The following RAB18 variants were observed in gnomAD, a reference collection of about 807,000 sequenced individuals.
The protein encoded by RAB18 is ras-related protein Rab-18.
RAB18 carries 10 observed loss-of-function variants against 28.5 expected under a neutral mutation model. That is an observed-to-expected ratio of 0.35 (90% CI 0.22 to 0.60). The LOEUF is 0.60. Among genes scored for constraint, RAB18 ranks in the 20% least tolerant of loss-of-function variants. The pLI is 0.78. For synonymous variants in RAB18, 93 were observed against 86.9 expected (o/e 1.07, Z -0.39); for missense variants, 188 against 244.2 (o/e 0.77, Z 1.53).
chr10:27,527,362 GCTT>G (rs1834695396), intron 3 of RAB18, among the ~76,000 whole-genome samples: 1 of 151,850 alleles, frequency 6.6e-6, no homozygotes, highest in Non-Finnish European at 1.5e-5. Flanking sequence ...TTCCTTACTG[GCTT>G]CTTTTCGTTT....
chr10:27,511,809 T>G (rs1302995958), intron 2 of RAB18, among the ~76,000 whole-genome samples: 1 of 152,218 alleles, frequency 6.6e-6, no homozygotes, highest in Non-Finnish European at 1.5e-5. Context: ...TGTTGTAGCA[T>G]CCATTGATAA....
In RAB18 at chr10:27,539,175, C is replaced by T. The variant is rs1564840138; in HGVS notation, c.*1124C>T. 2.9e-6 allele frequency: 1 copy of T among 348,420 alleles called. No individual in the cohort carries two copies. Among genetic ancestry groups the T allele is most frequent in the Non-Finnish European group, 5.6e-6 (1 of 178,410 alleles). 21.6% of individuals were successfully genotyped at this position (348,420 alleles called of 1,614,324 possible). A position where few individuals can be genotyped will look rare whatever the true frequency, so the allele number is the denominator to read the frequency against. On this transcript the variant is annotated 3_prime_UTR_variant, in exon 7 of 7. Coordinates refer to ENST00000356940, the MANE Select transcript of RAB18 (RefSeq NM_021252.5). ...TTTTTCACAGTATTCAGTTTTCTCA[C>T]CTCTTGCTATTGTATATTGTAGATT... is the stretch of plus-strand genomic sequence containing the variant.
In RAB18 at chr10:27,511,222, G is replaced by A. The variant is rs571675009; in HGVS notation, c.124+1292G>A. ...TTAATTAATGAATTAATTTATTTTC[G>A]AGACAGAGTCTAGCTCTGTCGCTCA... On this transcript the variant is annotated intron_variant, in intron 2 of 6. Coordinates refer to ENST00000356940, the MANE Select transcript of RAB18 (RefSeq NM_021252.5). Among the ~76,000 whole-genome samples, 10 of 151,092 alleles carry A rather than the reference G, an allele frequency of 6.6e-5. No individual in the cohort carries two copies. In the South Asian group the frequency reaches 1.5e-3, roughly 22 times the overall value.
In RAB18 at chr10:27,526,784, G is replaced by A; in HGVS notation, c.125-44G>A. ...GTTTTCTTGGTAATGGATTTTAAAA[G>A]TCTGTTTTACTGGGAGACTTATCAA... On this transcript the variant is annotated intron_variant, in intron 2 of 6. Coordinates refer to ENST00000356940, the MANE Select transcript of RAB18 (RefSeq NM_021252.5). 4.3e-6 allele frequency: 7 copies of A among 1,609,816 alleles called. No homozygotes were observed. The South Asian group carries it at 7.8e-5, about 18-fold the overall frequency.
At chr10:27,525,333 T>A (rs1489829449) in intron 2 of RAB18, among the ~76,000 whole-genome samples, 3 of 152,160 alleles carry the variant, frequency 2.0e-5, no homozygotes, top group Non-Finnish European at 2.9e-5. Flanking sequence ...ACAGAGGCTA[T>A]CTCTGTGTAG....
chr10:27,515,591 G>C (rs1211004769), intron 2 of RAB18, among the ~76,000 whole-genome samples: 1 of 152,070 alleles, frequency 6.6e-6, no homozygotes, highest in African/African-American at 2.4e-5. Flanking sequence ...GACTTCTGCT[G>C]GGCACAGTGG....
chr10:27,506,419 T>C (rs1322434929), intron 1 of RAB18, among the ~76,000 whole-genome samples: 1 of 152,118 alleles, frequency 6.6e-6, no homozygotes, highest in East Asian at 1.9e-4. Flanking sequence ...TCTCCTGGGC[T>C]CAAGTGATCC....
chr10:27,528,212 GT>G, intron 3 of RAB18: 1 of 423,442 alleles, frequency 2.4e-6, no homozygotes, highest in Non-Finnish European at 4.6e-6. Flanking sequence ...TCATAGTTTC[GT>G]TTTGTTTTAA....
rs549858585 is a variant in RAB18, at chr10:27,504,348, C to T, written c.-22C>T. 1.9e-6 allele frequency: 3 copies of T among 1,568,020 alleles called. No individual in the cohort carries two copies. The highest frequency in any genetic ancestry group is 2.7e-5 in the African/African-American group (2 of 74,364). On this transcript the variant is annotated 5_prime_UTR_variant, in exon 1 of 7. Coordinates refer to ENST00000356940, the MANE Select transcript of RAB18 (RefSeq NM_021252.5). ...AGGCGCACCCGGGCGGCCAGCTGGG[C>T]TCGGAGCGGAACGGGGTCAGGATGG...
At chr10:27,526,696 C>A in intron 2 of RAB18, 132 bp from the exon 3 acceptor site, 1 of 1,060,420 alleles carries the variant, frequency 9.4e-7, no homozygotes, top group Non-Finnish European at 1.4e-6. Flanking sequence ...TCTCCACATC[C>A]AGAATTCTAA....
At chr10:27,508,915 G>A (rs935579285) in intron 1 of RAB18, among the ~76,000 whole-genome samples, 3 of 152,108 alleles carry the variant, frequency 2.0e-5, no homozygotes, top group African/African-American at 7.2e-5. Context: ...AATTAGGAGA[G>A]TCTTATACTT....
intron 1 of RAB18, among the ~76,000 whole-genome samples, chr10:27,508,720 G>A (rs369570804): frequency 4.6e-5 from 7 of 152,170 alleles, no homozygotes; most frequent in South Asian, 4.1e-4. Flanking sequence ...AGAGTTAATC[G>A]TTCAAATATA....
At position 27,541,483 on chromosome 10, in the gene RAB18, T is replaced by C. The variant is rs1213731042; in HGVS notation, c.*3432T>C. The C allele has an allele frequency of 4.4e-6, 2 of 453,904 alleles. No homozygotes were observed. The highest frequency in any genetic ancestry group is 6.9e-5 in the East Asian group (1 of 14,396). The allele number at this position is 453,904 out of a possible 1,614,324, so 28.1% of individuals were successfully genotyped here. On this transcript the variant is annotated 3_prime_UTR_variant, in exon 7 of 7. Transcript: ENST00000356940. ...CTTGGGAATCAGTCATGTTTCTGAT[T>C]GTGGTATAAAGTTTGCTTAAGTGCC... is the stretch of plus-strand genomic sequence containing the variant.
intron 2 of RAB18, among the ~76,000 whole-genome samples, chr10:27,518,530 G>A (rs749443392): frequency 5.9e-5 from 9 of 151,998 alleles, no homozygotes; most frequent in Non-Finnish European, 1.0e-4. Flanking sequence ...TCTTTTTAAC[G>A]TCTATATGCA....
At chr10:27,507,608 C>A (rs1837874611) in intron 1 of RAB18, among the ~76,000 whole-genome samples, 1 of 145,774 alleles carries the variant, frequency 6.9e-6, no homozygotes, top group African/African-American at 2.5e-5. Flanking sequence ...TAGTTATAAT[C>A]ACACTCTGTT....
rs750781163 is a variant in RAB18 at position 27,504,331 on chromosome 10, C to A, written c.-39C>A. Reference sequence around the variant, plus strand: ...TCTGCTGAAGGGCTGAGAGGCGCACCCGGGCGGCCAGCTGGGCTCGGAGCG... The same window carrying A: ...TCTGCTGAAGGGCTGAGAGGCGCACACGGGCGGCCAGCTGGGCTCGGAGCG... On this transcript the variant is annotated 5_prime_UTR_variant, in exon 1 of 7. Coordinates refer to ENST00000356940, the MANE Select transcript of RAB18 (RefSeq NM_021252.5). 1.3e-6 allele frequency: 2 copies of A among 1,557,038 alleles called. No individual in the cohort carries two copies. Among genetic ancestry groups the A allele is most frequent in the Non-Finnish European group, 1.7e-6 (2 of 1,150,884 alleles).
chr10:27,539,205 T>G lies in RAB18; in HGVS notation c.*1154T>G, dbSNP rs1834969244. On this transcript the variant is annotated 3_prime_UTR_variant, in exon 7 of 7. Coordinates refer to ENST00000356940, the MANE Select transcript of RAB18 (RefSeq NM_021252.5). ...TGCTATTGTATATTGTAGATTTTTT[T>G]CATTCATGTGTTATTTAATTTACAC... The G allele has an allele frequency of 3.0e-6, 1 of 335,332 alleles. No individual in the cohort carries two copies. Among genetic ancestry groups the G allele is most frequent in the Non-Finnish European group, 5.8e-6 (1 of 173,154 alleles). 20.8% of individuals were successfully genotyped at this position (335,332 alleles called of 1,614,324 possible).
intron 1 of RAB18, chr10:27,504,837 G>A (rs565067821): frequency 7.3e-5 from 34 of 466,814 alleles, no homozygotes; most frequent in African/African-American, 5.6e-4. Flanking sequence ...CGAGACCCGG[G>A]AGACATAGCT....
At chr10:27,531,789 C>CTT (rs879869186) in intron 3 of RAB18, among the ~76,000 whole-genome samples, 1 of 144,852 alleles carries the variant, frequency 6.9e-6, no homozygotes, top group African/African-American at 2.5e-5. Context: ...TAGGTTCATT[C>CTT]TTTTTTTTTT....
Sources: gnomAD v4.1 joint callset for allele counts (sites outside exome capture counted in the v4.1 genomes callset) on GRCh38, gnomAD v4.1.1 for gene constraint, MANE v1.5 for transcripts, NCBI Gene and HGNC (gene_info 2026-07-23, HGNC 2026-07-21) for gene names.